Variants in HDAC9 observed in about 807,000 individuals in gnomAD.
HDAC9 encodes the protein histone deacetylase 9.
Under a neutral mutation model 139.4 loss-of-function variants are expected in HDAC9, and 41 were observed. The ratio of observed to expected loss-of-function variants is 0.29; its 90% CI spans 0.23 to 0.38. HDAC9 has a LOEUF of 0.38. Ranked by LOEUF, HDAC9 falls within the 10% of genes least tolerant of loss-of-function variation. HDAC9 has a pLI of 1.00. For missense variants in HDAC9, 1,147 were observed against 1,297.0 expected (o/e 0.88, Z 1.78); for synonymous variants, 517 against 476.2 (o/e 1.09, Z -1.12).
In HDAC9 at chr7:18,199,754, CAAAAAA is replaced by C. The variant is rs59883693; in HGVS notation, c.25+37425_25+37430del. Among the ~76,000 whole-genome samples the C allele has an allele frequency of 2.6e-3, 145 of 55,714 alleles. 1 individual carries two copies. Among genetic ancestry groups the C allele is most frequent in the African/African-American group, 0.01 (138 of 13,518 alleles). 36.6% of individuals were successfully genotyped at this position (55,714 alleles called of 152,430 possible). On this transcript the variant is annotated intron_variant, in intron 2 of 12. Transcript: ENST00000417496. Reference sequence around the variant, plus strand: ...CAACATAGTGAAGTCATGTGTCTACCAAAAAAAAAAAAAAAAAAAAAAAAAGGCTGT... The same window carrying C: ...CAACATAGTGAAGTCATGTGTCTACCAAAAAAAAAAAAAAAAAAAGGCTGT...
chr7:18,874,585 T>C lies in HDAC9; in HGVS notation c.2792T>C (p.Val931Ala). 1 of 1,578,832 alleles carries C rather than the reference T, an allele frequency of 6.3e-7. No individual in the cohort carries two copies. The highest frequency in any genetic ancestry group is 8.6e-7 in the Non-Finnish European group (1 of 1,158,134). The change falls in exon 22 of 26, where the codon GTG becomes GCG. Residue 931 changes from valine (V) to alanine (A), a missense_variant. Transcript: ENST00000686413. ...ACCCCTCCTCTAGGAGGGTACAAAGTGACGGCAAAATGTAAGTACCTCTTT... is the reference window on the plus strand; with the variant it reads ...ACCCCTCCTCTAGGAGGGTACAAAGCGACGGCAAAATGTAAGTACCTCTTT... The part of the protein sequence containing the change: ...GHTPPLGGYK[V>A]TAKCFGHLTK...
intron 21 of HDAC9, among the ~76,000 whole-genome samples, chr7:18,845,975 G>T (rs1375553028): frequency 1.3e-5 from 2 of 152,126 alleles, no homozygotes; most frequent in Admixed American, 1.3e-4. Flanking sequence ...TGAAGCCCCT[G>T]TGTCACAAGG....
chr7:18,271,712 G>T (rs548097752), intron 2 of HDAC9, among the ~76,000 whole-genome samples: 62 of 152,240 alleles, frequency 4.1e-4, no homozygotes, highest in African/African-American at 1.3e-3. Flanking sequence ...TGGATGCTAA[G>T]TTGTGCTCCT....
intron 1 of HDAC9, among the ~76,000 whole-genome samples, chr7:18,432,186 A>G (rs1453331651): frequency 6.6e-6 from 1 of 152,186 alleles, no homozygotes; most frequent in Non-Finnish European, 1.5e-5. Context: ...CTATCCACTC[A>G]ACAAATGCTT....
chr7:18,433,783 A>C (rs767646407), intron 1 of HDAC9, among the ~76,000 whole-genome samples: 14 of 152,336 alleles, frequency 9.2e-5, no homozygotes, highest in Middle Eastern at 6.8e-3. Flanking sequence ...GCACAAACAA[A>C]TGGAAAAGCA....
intron 1 of HDAC9, among the ~76,000 whole-genome samples, chr7:18,120,560 A>G (rs778900554): frequency 6.6e-6 from 1 of 151,998 alleles, no homozygotes; most frequent in Non-Finnish European, 1.5e-5. Context: ...AGATAAGAAG[A>G]TCTGTCCTTT....
At chr7:18,434,156 CA>C (rs1790951028) in intron 1 of HDAC9, among the ~76,000 whole-genome samples, 1 of 152,136 alleles carries the variant, frequency 6.6e-6, no homozygotes, top group African/African-American at 2.4e-5. Context: ...CAAAAACAAG[CA>C]AAGGGGAGAT....
chr7:18,123,915 A>G (rs910436914), intron 1 of HDAC9, among the ~76,000 whole-genome samples: 1 of 152,214 alleles, frequency 6.6e-6, no homozygotes, highest in East Asian at 1.9e-4. Flanking sequence ...TCCACCAAAT[A>G]TGTAAGAATC....
At chr7:18,635,787 C>G (rs1783700827) in intron 8 of HDAC9, among the ~76,000 whole-genome samples, 2 of 152,118 alleles carry the variant, frequency 1.3e-5, no homozygotes, top group Admixed American at 1.3e-4. Context: ...TGGATCATCT[C>G]CATAGCTTTT....
intron 1 of HDAC9, among the ~76,000 whole-genome samples, chr7:18,127,838 A>G (rs887175123): frequency 1.3e-5 from 2 of 152,034 alleles, no homozygotes; most frequent in Non-Finnish European, 2.9e-5. Context: ...GATTATTATT[A>G]TTATTCAGAT....
chr7:18,267,325 A>G lies in HDAC9; in HGVS notation c.25+104976A>G, dbSNP rs139487990. 2.6e-3 allele frequency among the ~76,000 whole-genome samples: 395 copies of G among 152,186 alleles called. 3 individuals carry two copies. Among genetic ancestry groups the G allele is most frequent in the African/African-American group, 9.1e-3 (380 of 41,552 alleles). ...AACACTTAGGAATATTTCTCTTGCA[A>G]TATTCAATACTACAATGCATTTTTA... is the stretch of plus-strand genomic sequence containing the variant. On this transcript the variant is annotated intron_variant, in intron 2 of 12. Transcript: ENST00000417496.
intron 2 of HDAC9, among the ~76,000 whole-genome samples, chr7:18,203,688 G>A (rs1482099225): frequency 6.6e-6 from 1 of 152,138 alleles, no homozygotes; most frequent in Non-Finnish European, 1.5e-5. Flanking sequence ...TAGAACAACA[G>A]ATTATGTTGA....
intron 6 of HDAC9, 45 bp downstream of exon 6, chr7:18,594,074 C>G (rs776177963): frequency 1.2e-6 from 2 of 1,603,678 alleles, no homozygotes; most frequent in Admixed American, 1.7e-5. Flanking sequence ...CTGTAACACA[C>G]CTGTAAGTTT....
At chr7:18,545,554 C>T (rs1165857115) in intron 2 of HDAC9, among the ~76,000 whole-genome samples, 3 of 152,138 alleles carry the variant, frequency 2.0e-5, no homozygotes, top group African/African-American at 7.2e-5. Flanking sequence ...ATGCCACGGG[C>T]ACCATAAAGC....
At chr7:18,920,807 C>G (rs546312876) in intron 22 of HDAC9, among the ~76,000 whole-genome samples, 3 of 152,000 alleles carry the variant, frequency 2.0e-5, no homozygotes, top group Admixed American at 6.6e-5. Flanking sequence ...TATTGATTTT[C>G]GTATGTTGAA....
intron 10 of HDAC9, 62 bp downstream of exon 10, chr7:18,648,060 A>T: frequency 1.5e-6 from 2 of 1,298,878 alleles, no homozygotes; most frequent in Non-Finnish European, 2.1e-6. Context: ...GTGATCCAGG[A>T]TAATGTCTCT....
chr7:18,919,216 T>C (rs1803473322), intron 22 of HDAC9, among the ~76,000 whole-genome samples: 1 of 152,052 alleles, frequency 6.6e-6, no homozygotes, highest in Admixed American at 6.6e-5. Context: ...TTGCCCCTTA[T>C]CGTGATACCT....
chr7:18,878,883 A>G (rs1005303012), intron 22 of HDAC9, among the ~76,000 whole-genome samples: 5 of 152,200 alleles, frequency 3.3e-5, no homozygotes, highest in African/African-American at 1.2e-4. Context: ...CTGTTTGCAG[A>G]CAACATGATT....
In HDAC9 at chr7:18,597,821, A is replaced by T. The variant is rs559380124; in HGVS notation, c.664+3792A>T. Among the ~76,000 whole-genome samples, 8 of 152,298 alleles carry T rather than the reference A, an allele frequency of 5.3e-5. No homozygotes were observed. The East Asian group carries it at 1.5e-3, about 29-fold the overall frequency. ...GCTAGATTAACCTCTTAAAGTGCACAAGCCATGTAAAGCTTGGCTTGGGCT... is the reference window on the plus strand; with the variant it reads ...GCTAGATTAACCTCTTAAAGTGCACTAGCCATGTAAAGCTTGGCTTGGGCT... On this transcript the variant is annotated intron_variant, in intron 6 of 25. Transcript: ENST00000686413.
Sources: allele counts gnomAD v4.1 joint callset (sites outside exome capture counted in the v4.1 genomes callset), GRCh38; gene constraint gnomAD v4.1.1; transcripts MANE v1.5; gene names NCBI Gene and HGNC (gene_info 2026-07-23, HGNC 2026-07-21).